CSGALNACT1: variants seen among roughly 807,000 people sequenced by gnomAD.
CSGALNACT1 encodes the protein chondroitin sulfate N-acetylgalactosaminyltransferase 1.
A neutral mutation model predicts 51.0 loss-of-function variants in CSGALNACT1; 52 were observed. That is an observed-to-expected ratio of 1.02 (90% CI 0.82 to 1.29). The LOEUF (loss-of-function observed/expected upper bound fraction) is 1.29, where lower values mean the gene tolerates loss of function less well. Ranked by LOEUF, CSGALNACT1 falls within the 50% of genes most tolerant of loss-of-function variation. The pLI, the probability that CSGALNACT1 is intolerant of heterozygous loss-of-function variation, is 0.00. For missense variants in CSGALNACT1, 935 were observed against 679.2 expected (o/e 1.38, Z -4.19); for synonymous variants, 341 against 254.4 (o/e 1.34, Z -3.24).
At chr8:19,635,048 AG>A (rs2055842910) in intron 1 of CSGALNACT1, among the ~76,000 whole-genome samples, 1 of 152,260 alleles carries the variant, frequency 6.6e-6, no homozygotes, top group Admixed American at 6.5e-5. Flanking sequence ...TTTTAAGTAC[AG>A]CAAATTTCTA....
chr8:19,634,794 A>T (rs2055796650), intron 1 of CSGALNACT1, among the ~76,000 whole-genome samples: 4 of 152,242 alleles, frequency 2.6e-5, no homozygotes, highest in Non-Finnish European at 5.9e-5. Context: ...GCACGCCTTC[A>T]TCTTGGACTT....
intron 3 of CSGALNACT1, among the ~76,000 whole-genome samples, chr8:19,550,434 T>A (rs2087707420): frequency 6.6e-6 from 1 of 152,242 alleles, no homozygotes; most frequent in Admixed American, 6.5e-5. Context: ...TTAATTTCTG[T>A]CATCATGCTT....
intron 4 of CSGALNACT1, among the ~76,000 whole-genome samples, chr8:19,496,937 G>T (rs1321551525): frequency 6.6e-6 from 1 of 152,124 alleles, no homozygotes; most frequent in Non-Finnish European, 1.5e-5. Context: ...GGCGGGAGGG[G>T]ACAGGAGCTC....
At chr8:19,629,054 A>T (rs1232946077) in intron 1 of CSGALNACT1, among the ~76,000 whole-genome samples, 2 of 152,176 alleles carry the variant, frequency 1.3e-5, no homozygotes, top group East Asian at 3.9e-4. Flanking sequence ...AGGAATATTA[A>T]ACAGCTCTTA....
intron 4 of CSGALNACT1, among the ~76,000 whole-genome samples, chr8:19,474,583 T>C (rs1227849394): frequency 6.6e-6 from 1 of 151,960 alleles, no homozygotes; most frequent in Non-Finnish European, 1.5e-5. Context: ...ATAAGCACCT[T>C]CCGGCCAGGT....
At chr8:19,555,623 A>C (rs1424080941) in intron 3 of CSGALNACT1, among the ~76,000 whole-genome samples, 1 of 152,236 alleles carries the variant, frequency 6.6e-6, no homozygotes, top group African/African-American at 2.4e-5. Context: ...TGAGCATCAA[A>C]GCACATCTCT....
At chr8:19,527,500 C>T (rs2081946021) in intron 3 of CSGALNACT1, among the ~76,000 whole-genome samples, 1 of 152,104 alleles carries the variant, frequency 6.6e-6, no homozygotes, top group Non-Finnish European at 1.5e-5. Flanking sequence ...GTCCCAGCTA[C>T]TCCAGAGGCT....
intron 8 of CSGALNACT1, among the ~76,000 whole-genome samples, chr8:19,409,218 G>C (rs1010392026): frequency 6.6e-6 from 1 of 152,192 alleles, no homozygotes; most frequent in Non-Finnish European, 1.5e-5. Flanking sequence ...AGAAATATCT[G>C]AGAGACTTCA....
chr8:19,614,466 T>G (rs13281874), intron 1 of CSGALNACT1, among the ~76,000 whole-genome samples: 7,837 of 152,310 alleles, frequency 0.051, 326 homozygotes, highest in Non-Finnish European at 0.074. Flanking sequence ...CTAGTTTTCC[T>G]GTTTACTGAG....
intron 8 of CSGALNACT1, among the ~76,000 whole-genome samples, chr8:19,417,542 T>C (rs1030274506): frequency 6.6e-6 from 1 of 152,184 alleles, no homozygotes; most frequent in Non-Finnish European, 1.5e-5. Flanking sequence ...GAAATCAGTT[T>C]ACTCTCCCAT....
At position 19,409,605 on chromosome 8, in the gene CSGALNACT1, A is replaced by C. The variant is rs59308978; in HGVS notation, c.1228-911T>G. ...AGTTTTGAGATCTTAGTTATTTTTC[A>C]TAATTCATTCTTGCAGTTAACATAG... is the stretch of plus-strand genomic sequence containing the variant. On this transcript the variant is annotated intron_variant, in intron 8 of 9. Transcript: ENST00000454498. Among the ~76,000 whole-genome samples, 9 of 152,272 alleles carry C rather than the reference A, an allele frequency of 5.9e-5. No individual in the cohort carries two copies. The East Asian group carries it at 1.7e-3, about 29-fold the overall frequency.
chr8:19,427,538 C>T (rs1053844027), intron 6 of CSGALNACT1, among the ~76,000 whole-genome samples: 2 of 152,246 alleles, frequency 1.3e-5, no homozygotes, highest in East Asian at 3.9e-4. Flanking sequence ...CTTGTAATCC[C>T]AGCACTTTGG....
At chr8:19,516,375 C>T (rs773850091) in intron 3 of CSGALNACT1, among the ~76,000 whole-genome samples, 1 of 152,110 alleles carries the variant, frequency 6.6e-6, no homozygotes, top group East Asian at 1.9e-4. Flanking sequence ...GTTCAACCCG[C>T]TTCATAATCT....
chr8:19,530,984 A>G (rs531846432), intron 3 of CSGALNACT1, among the ~76,000 whole-genome samples: 1 of 152,334 alleles, frequency 6.6e-6, no homozygotes, highest in East Asian at 1.9e-4. Context: ...TCAGTCAATC[A>G]GTATCAGCTG....
rs773149042 is a variant in CSGALNACT1 at position 19,425,296 on chromosome 8, G to A, written c.954-4778C>T. Among the ~76,000 whole-genome samples, 8 of 152,290 alleles carry A rather than the reference G, an allele frequency of 5.3e-5. No individual in the cohort carries two copies. In the South Asian group the frequency reaches 6.2e-4, roughly 12 times the overall value. On this transcript the variant is annotated intron_variant, in intron 6 of 9. Coordinates refer to ENST00000454498, the Ensembl canonical transcript of CSGALNACT1. ...ATGGAGGTTGCTGTGAGCCGAGATC[G>A]TGCCATTGTGCTCTAACTTGGGCAA... is the stretch of plus-strand genomic sequence containing the variant.
At chr8:19,697,627 C>T (rs1293639466) in intron 1 of CSGALNACT1, among the ~76,000 whole-genome samples, 1 of 152,110 alleles carries the variant, frequency 6.6e-6, no homozygotes, top group Non-Finnish European at 1.5e-5. Context: ...CCAGAGCCCC[C>T]CTGTACAAGG....
At chr8:19,468,112 G>T (rs1402125736) in intron 4 of CSGALNACT1, among the ~76,000 whole-genome samples, 1 of 152,178 alleles carries the variant, frequency 6.6e-6, no homozygotes, top group African/African-American at 2.4e-5. Flanking sequence ...TCTGCCCATG[G>T]TATAAGGGAA....
chr8:19,559,868 A>G (rs79000113), intron 3 of CSGALNACT1, among the ~76,000 whole-genome samples: 3,802 of 152,286 alleles, frequency 0.025, 151 homozygotes, highest in African/African-American at 0.079. Context: ...CCAAGACTTT[A>G]TGTGAGGTGG....
Position 19,580,054 on chromosome 8 carries a change from T to C in CSGALNACT1, c.-297+11106A>G, listed in dbSNP as rs148283161. Among the ~76,000 whole-genome samples the C allele has an allele frequency of 7.4e-3, 1,120 of 152,298 alleles. 9 individuals carry two copies. Among genetic ancestry groups the C allele is most frequent in the South Asian group, 0.022 (104 of 4,822 alleles). On this transcript the variant is annotated intron_variant, in intron 3 of 9. Coordinates refer to ENST00000454498, the Ensembl canonical transcript of CSGALNACT1. Reference sequence around the variant, plus strand: ...AAACACCCTGAAGTGAGACCCTCCTTTCTACTGCTTGCTCTTTTCAGAGCA... The same window carrying C: ...AAACACCCTGAAGTGAGACCCTCCTCTCTACTGCTTGCTCTTTTCAGAGCA...
Sources: allele counts gnomAD v4.1 joint callset (sites outside exome capture counted in the v4.1 genomes callset), GRCh38; gene constraint gnomAD v4.1.1; transcripts MANE v1.5; gene names NCBI Gene and HGNC (gene_info 2026-07-23, HGNC 2026-07-21).